MTAP: variants seen among roughly 807,000 people sequenced by gnomAD.
MTAP encodes the protein methylthioadenosine phosphorylase.
A neutral mutation model predicts 33.6 loss-of-function variants in MTAP; 33 were observed. The observed-to-expected ratio is 0.98, with a 90% confidence interval of 0.74 to 1.31. The LOEUF is 1.31. Among genes scored for constraint, MTAP ranks in the 40% most tolerant of loss-of-function variants. The pLI is 0.00. For missense variants in MTAP, 367 were observed against 360.0 expected (o/e 1.02, Z -0.16); for synonymous variants, 148 against 125.7 (o/e 1.18, Z -1.19).
At chr9:21,810,971 G>A (rs2117963524) in intron 1 of MTAP, among the ~76,000 whole-genome samples, 1 of 152,294 alleles carries the variant, frequency 6.6e-6, no homozygotes, top group South Asian at 2.1e-4. Flanking sequence ...GCCCTGACAG[G>A]CCTCAAAGCC....
In MTAP at chr9:21,864,224, C is replaced by T; in HGVS notation, c.*2210C>T. 1.0e-6 allele frequency: 1 copy of T among 985,384 alleles called. No homozygotes were observed. The highest frequency in any genetic ancestry group is 1.2e-6 in the Non-Finnish European group (1 of 829,906). 61.0% of individuals were successfully genotyped at this position (985,384 alleles called of 1,614,324 possible). On this transcript the variant is annotated 3_prime_UTR_variant, in exon 8 of 8. Transcript: ENST00000644715. The stretch of plus-strand genomic sequence containing the variant: ...AGACTAACTAAATGAATGCAGTATA[C>T]TCTTTTCTTTGTTCTCAATCATTCA...
chr9:21,811,326 A>G (rs1255526284), intron 1 of MTAP, among the ~76,000 whole-genome samples: 1 of 152,224 alleles, frequency 6.6e-6, no homozygotes, highest in Non-Finnish European at 1.5e-5. Context: ...AGTAGGGGTT[A>G]CTATGCACCC....
intron 4 of MTAP, among the ~76,000 whole-genome samples, chr9:21,823,072 CTCTT>C (rs1246626555): frequency 6.6e-6 from 1 of 152,158 alleles, no homozygotes; most frequent in East Asian, 1.9e-4. Context: ...TGGGTCTTGA[CTCTT>C]TATCCAATTT....
intron 4 of MTAP, among the ~76,000 whole-genome samples, chr9:21,825,058 C>T (rs1263841775): frequency 1.3e-5 from 2 of 152,110 alleles, no homozygotes; most frequent in African/African-American, 2.4e-5. Flanking sequence ...CTAGGTGAGG[C>T]GATGCCTCAC....
chr9:21,837,054 A>G (rs1486418094), intron 4 of MTAP, among the ~76,000 whole-genome samples: 1 of 152,206 alleles, frequency 6.6e-6, no homozygotes. Context: ...GAATGCACAG[A>G]GAAAGTGGCT....
chr9:21,906,267 G>A (rs533133141), intron 1 of MTAP, among the ~76,000 whole-genome samples: 25 of 152,016 alleles, frequency 1.6e-4, no homozygotes, highest in African/African-American at 3.6e-4. Context: ...AAATGAAAAC[G>A]GGATAAAAGA....
At position 21,863,000 on chromosome 9, in the gene MTAP, T is replaced by C; in HGVS notation, c.*986T>C. On this transcript the variant is annotated 3_prime_UTR_variant, in exon 8 of 8. Coordinates refer to ENST00000644715, the MANE Select transcript of MTAP (RefSeq NM_002451.4). Reference sequence around the variant, plus strand: ...AATGAAGCAGAATTTAAGTTGGTAATATTAAGGTGAATGTCATTTAAGGGA... The same window carrying C: ...AATGAAGCAGAATTTAAGTTGGTAACATTAAGGTGAATGTCATTTAAGGGA... 1.0e-6 allele frequency: 1 copy of C among 984,790 alleles called. No homozygotes were observed. Among genetic ancestry groups the C allele is most frequent in the Non-Finnish European group, 1.2e-6 (1 of 829,348 alleles). 61.0% of individuals were successfully genotyped at this position (984,790 alleles called of 1,614,324 possible). A position where few individuals can be genotyped will look rare whatever the true frequency, so the allele number is the denominator to read the frequency against.
At chr9:21,869,789 T>C (rs1825909710), downstream of MTAP, among the ~76,000 whole-genome samples, 1 of 152,248 alleles carries the variant, frequency 6.6e-6, no homozygotes, top group Non-Finnish European at 1.5e-5. Flanking sequence ...CTCACCTGGA[T>C]ACTGTAATAA....
At chr9:21,920,075 A>G (rs1439361348) in intron 1 of MTAP, among the ~76,000 whole-genome samples, 5 of 152,176 alleles carry the variant, frequency 3.3e-5, no homozygotes, top group African/African-American at 1.2e-4. Flanking sequence ...TCTTGGGGCA[A>G]ACAGGAAATG....
chr9:21,841,057 C>T (rs1825231017), intron 5 of MTAP, among the ~76,000 whole-genome samples: 1 of 152,152 alleles, frequency 6.6e-6, no homozygotes, highest in Non-Finnish European at 1.5e-5. Flanking sequence ...CCTGACAAAC[C>T]ACCCCCATCC....
In MTAP at chr9:21,914,884, A is replaced by T. The variant is rs528376300; in HGVS notation, c.148-16124A>T. Among the ~76,000 whole-genome samples the T allele has an allele frequency of 2.0e-5, 3 of 151,998 alleles. No homozygotes were observed. In the East Asian group the frequency reaches 5.8e-4, roughly 29 times the overall value. The stretch of plus-strand genomic sequence containing the variant: ...AAAAAAAAGAAATTGCCTATTTTGG[A>T]CATTTTATATGAAAAGAGTCATATA... On this transcript the variant is annotated intron_variant, in intron 1 of 1. Transcript: ENST00000577563.
intron 1 of MTAP, among the ~76,000 whole-genome samples, chr9:21,811,327 C>G (rs1021283050): frequency 6.6e-6 from 1 of 152,222 alleles, no homozygotes; most frequent in Non-Finnish European, 1.5e-5. Flanking sequence ...GTAGGGGTTA[C>G]TATGCACCCT....
In MTAP at chr9:21,865,880, C is replaced by A; in HGVS notation, c.*3866C>A. The A allele has an allele frequency of 1.3e-6, 1 of 767,956 alleles. No individual in the cohort carries two copies. Among genetic ancestry groups the A allele is most frequent in the Non-Finnish European group, 1.6e-6 (1 of 631,136 alleles). The allele number at this position is 767,956 out of a possible 1,614,324, so 47.6% of individuals were successfully genotyped here. On this transcript the variant is annotated 3_prime_UTR_variant, in exon 8 of 8. Transcript: ENST00000644715. The stretch of plus-strand genomic sequence containing the variant: ...TAGTAGTATTCTGTCATATGCCTAT[C>A]TTACAATTTGATTATCTATTCACCT...
Position 21,915,055 on chromosome 9 carries a change from C to CCTTCCTTCCTTT in MTAP, c.148-15950_148-15949insCCTTCCTTTCTT, listed in dbSNP as rs1554649248. ...TCCTTCCTTCCTTCCTTCCTTCCTT[C>CCTTCCTTCCTTT]CTTTCTTTCTTTCTTTCTTTCTTTC... is the stretch of plus-strand genomic sequence containing the variant. On this transcript the variant is annotated intron_variant, in intron 1 of 1. Coordinates refer to the MTAP transcript ENST00000577563. 3.5e-4 allele frequency among the ~76,000 whole-genome samples: 9 copies of CCTTCCTTCCTTT among 25,888 alleles called. 1 individual carries two copies. Among genetic ancestry groups the CCTTCCTTCCTTT allele is most frequent in the Non-Finnish European group, 5.5e-4 (8 of 14,588 alleles). The allele number at this position is 25,888 out of a possible 152,430, so 17.0% of individuals were successfully genotyped here.
At chr9:21,935,370 C>T (rs919416491), downstream of MTAP, 8 of 151,010 alleles carry the variant, frequency 5.3e-5, no homozygotes, top group Admixed American at 1.3e-4. Context: ...GTGGGAGACA[C>T]GTCTTCAAGT....
At chr9:21,838,078 G>T in intron 5 of MTAP, 68 bp downstream of exon 5, 1 of 1,352,012 alleles carries the variant, frequency 7.4e-7, no homozygotes, top group South Asian at 1.2e-5. Context: ...CTGGCATTTG[G>T]TTAATTGGCA....
At chr9:21,914,079 A>C (rs1249305220) in intron 1 of MTAP, among the ~76,000 whole-genome samples, 1 of 152,244 alleles carries the variant, frequency 6.6e-6, no homozygotes, top group Non-Finnish European at 1.5e-5. Context: ...AATCACAATG[A>C]GATACCATCT....
At chr9:21,823,607 G>C (rs543484982) in intron 4 of MTAP, among the ~76,000 whole-genome samples, 4 of 152,088 alleles carry the variant, frequency 2.6e-5, no homozygotes, top group Non-Finnish European at 5.9e-5. Context: ...TGCTCTTCTC[G>C]AGGAGTATCT....
intron 2 of MTAP, 61 bp downstream of exon 2, chr9:21,815,580 A>T: frequency 2.6e-5 from 23 of 886,962 alleles, no homozygotes; most frequent in Non-Finnish European, 3.5e-5. Context: ...TGCTGGCTTG[A>T]TTTTTGAATT....
Sources: gnomAD v4.1 joint callset for allele counts (sites outside exome capture counted in the v4.1 genomes callset) on GRCh38, gnomAD v4.1.1 for gene constraint, MANE v1.5 for transcripts, NCBI Gene and HGNC (gene_info 2026-07-23, HGNC 2026-07-21) for gene names.